The following EEF2KMT variants were observed in gnomAD, a reference collection of about 807,000 sequenced individuals.
EEF2KMT encodes the protein eukaryotic elongation factor 2 lysine methyltransferase, also known as protein-lysine N-methyltransferase EEF2KMT.
In EEF2KMT, 30 loss-of-function variants were observed where a neutral mutation model predicts 35.1. The ratio of observed to expected loss-of-function variants is 0.85; its 90% CI spans 0.64 to 1.16. EEF2KMT has a LOEUF of 1.16. Among genes scored for constraint, EEF2KMT ranks in the 50% most tolerant of loss-of-function variants. The pLI, the probability that EEF2KMT is intolerant of heterozygous loss-of-function variation, is 0.00. For missense variants in EEF2KMT, 499 were observed against 438.2 expected (o/e 1.14, Z -1.24); for synonymous variants, 190 against 187.7 (o/e 1.01, Z -0.10).
intron 2 of EEF2KMT, among the ~76,000 whole-genome samples, chr16:5,094,972 AG>A: frequency 6.6e-6 from 1 of 152,236 alleles, no homozygotes; most frequent in East Asian, 1.9e-4. Flanking sequence ...GGCCAAGGTC[AG>A]GCTGTGGCTG....
At chr16:5,096,351 G>C (rs868323211) in intron 1 of EEF2KMT, among the ~76,000 whole-genome samples, 2 of 152,152 alleles carry the variant, frequency 1.3e-5, no homozygotes, top group African/African-American at 4.8e-5. Flanking sequence ...TTATTTATTT[G>C]TTTATTCTCT....
chr16:5,090,773 A>T lies in EEF2KMT; in HGVS notation c.343-208T>A, dbSNP rs181318628. On this transcript the variant is annotated intron_variant, in intron 4 of 7. Coordinates refer to ENST00000427587, the MANE Select transcript of EEF2KMT (RefSeq NM_201400.4). This position sits in a 1 kb window ranked among gnomAD's most constrained non-coding sequence, Gnocchi z 4.1. The stretch of plus-strand genomic sequence containing the variant: ...GAAAGACACTCATCTCAGGCCACAC[A>T]GGATTCCATTCATCGAACCTTCCTG... Among the ~76,000 whole-genome samples, 1 of 152,086 alleles carries T rather than the reference A, an allele frequency of 6.6e-6. No homozygotes were observed. The highest frequency in any genetic ancestry group is 1.5e-5 in the Non-Finnish European group (1 of 68,018).
Position 5,090,373 on chromosome 16 carries a change from G to A in EEF2KMT, c.477-24C>T. 2 of 1,612,064 alleles carry A rather than the reference G, an allele frequency of 1.2e-6. No homozygotes were observed. Among genetic ancestry groups the A allele is most frequent in the South Asian group, 2.2e-5 (2 of 90,994 alleles). On this transcript the variant is annotated intron_variant, in intron 5 of 7. Transcript: ENST00000427587. The surrounding 1 kb of genome is among the most constrained non-coding windows in gnomAD (Gnocchi z 4.1). ...TCCTGGCGGGAGGAAAGGGGACCGTGTCTGCGACTGCACCAGGGTAAGCCT... is the reference window on the plus strand; with the variant it reads ...TCCTGGCGGGAGGAAAGGGGACCGTATCTGCGACTGCACCAGGGTAAGCCT...
chr16:5,095,566 A>T, intron 1 of EEF2KMT, 52 bp from the exon 2 acceptor site: 4 of 1,609,154 alleles, frequency 2.5e-6, no homozygotes, highest in Non-Finnish European at 3.4e-6. Flanking sequence ...CAGGAACATT[A>T]AACACGCAAT....
intron 7 of EEF2KMT, 93 bp from the exon 8 acceptor site, chr16:5,085,825 T>G (rs904528063): frequency 1.0e-6 from 1 of 986,428 alleles, no homozygotes; most frequent in Non-Finnish European, 1.6e-6. Context: ...CCTGGCGGGG[T>G]AGGGGGGTGT....
rs201873866 is a variant in EEF2KMT at position 5,090,528 on chromosome 16, G to A, written c.380C>T (p.Ala127Val). ...GCCTGTGGTACCGTAGGAGATGATG[G>A]CCGTGCTCTCGGAGAGTGTGACCGA... ...GGSVTLSEST[A>V]IISYGTTGLV... The change falls in exon 5 of 8, where the codon GCC becomes GTC. Residue 127 changes from alanine to valine, a missense_variant. Coordinates refer to ENST00000427587, the MANE Select transcript of EEF2KMT (RefSeq NM_201400.4). This position sits in a 1 kb window ranked among gnomAD's most constrained non-coding sequence, Gnocchi z 4.1. 7.4e-6 allele frequency: 12 copies of A among 1,611,980 alleles called. No homozygotes were observed. The East Asian group carries it at 2.2e-4, about 30-fold the overall frequency.
rs2142759590 is a variant in EEF2KMT at position 5,089,476 on chromosome 16, C to G, written c.743-220G>C. 1.5e-5 allele frequency: 10 copies of G among 669,668 alleles called. No individual in the cohort carries two copies. In the South Asian group the frequency reaches 1.8e-4, roughly 12 times the overall value. 41.5% of individuals were successfully genotyped at this position (669,668 alleles called of 1,614,324 possible). On this transcript the variant is annotated intron_variant, in intron 6 of 7. Transcript: ENST00000427587. ...AGACCGAAGCAAAAGAAAAAAATCT[C>G]CAGACTCACTGGTGTTCCTTAAAAA...
rs1252734353 is a variant in EEF2KMT at position 5,090,513 on chromosome 16, C to G, written c.395G>C (p.Gly132Ala). ...LSESTAIISYGTTGLVTWDAA... is the reference protein window; with the variant it reads ...LSESTAIISYATTGLVTWDAA... ...GTCCCATGTGACCAGGCCTGTGGTA[C>G]CGTAGGAGATGATGGCCGTGCTCTC... is the stretch of plus-strand genomic sequence containing the variant. The change falls in exon 5 of 8, where the codon GGT (glycine) becomes GCT (alanine). Residue 132 changes from glycine (G) to alanine (A), a missense_variant. Transcript: ENST00000427587. The surrounding 1 kb of genome is among the most constrained non-coding windows in gnomAD (Gnocchi z 4.1). 1 of 1,611,986 alleles carries G rather than the reference C, an allele frequency of 6.2e-7. No homozygotes were observed. Among genetic ancestry groups the G allele is most frequent in the Non-Finnish European group, 8.5e-7 (1 of 1,179,856 alleles).
intron 7 of EEF2KMT, among the ~76,000 whole-genome samples, chr16:5,087,656 G>A (rs577555901): frequency 6.6e-6 from 1 of 152,172 alleles, no homozygotes; most frequent in East Asian, 2.0e-4. Context: ...AAAATAGCCA[G>A]GTGTGGTAGC....
intron 7 of EEF2KMT, chr16:5,086,383 C>T (rs1464533634): frequency 1.3e-5 from 2 of 151,918 alleles, no homozygotes; most frequent in African/African-American, 4.9e-5. Context: ...CCCACACACA[C>T]ACACAGCTTA....
chr16:5,087,825 G>T lies in EEF2KMT; in HGVS notation c.892+1282C>A, dbSNP rs966109346. On this transcript the variant is annotated intron_variant, in intron 7 of 7. Coordinates refer to ENST00000427587, the MANE Select transcript of EEF2KMT (RefSeq NM_201400.4). ...CAAAAAAAAAAAAAAAAAAAAAGGT[G>T]GGTGGGGGCTTATACTATGTGTGCT... is the stretch of plus-strand genomic sequence containing the variant. Among the ~76,000 whole-genome samples, 4 of 148,786 alleles carry T rather than the reference G, an allele frequency of 2.7e-5. 1 individual carries two copies. The highest frequency in any genetic ancestry group is 2.1e-4 in the South Asian group (1 of 4,680).
At chr16:5,089,013 A>C in intron 7 of EEF2KMT, 94 bp downstream of exon 7, 1 of 1,600,764 alleles carries the variant, frequency 6.2e-7, no homozygotes, top group Non-Finnish European at 8.5e-7. Context: ...GGGGCAACCT[A>C]GCTTTTCCCC....
chr16:5,090,608 G>C lies in EEF2KMT; in HGVS notation c.343-43C>G, dbSNP rs1487945761. The C allele has an allele frequency of 6.2e-7, 1 of 1,611,218 alleles. No individual in the cohort carries two copies. Among genetic ancestry groups the C allele is most frequent in the East Asian group, 2.2e-5 (1 of 44,866 alleles). On this transcript the variant is annotated intron_variant, in intron 4 of 7. Coordinates refer to ENST00000427587, the MANE Select transcript of EEF2KMT (RefSeq NM_201400.4). This position sits in a 1 kb window ranked among gnomAD's most constrained non-coding sequence, Gnocchi z 4.1. Reference sequence around the variant, plus strand: ...GAGAGAGTCAGTCCAGCGATCAGAAGGCAAGTGGCTTAGAAGACAAGTAGC... The same window carrying C: ...GAGAGAGTCAGTCCAGCGATCAGAACGCAAGTGGCTTAGAAGACAAGTAGC...
In EEF2KMT at chr16:5,092,794, C is replaced by T. The variant is rs530334655; in HGVS notation, c.240+690G>A. 3.9e-5 allele frequency among the ~76,000 whole-genome samples: 6 copies of T among 152,238 alleles called. No homozygotes were observed. The South Asian group carries it at 1.2e-3, about 32-fold the overall frequency. The stretch of plus-strand genomic sequence containing the variant: ...CCTGGCCAACATGGTGAAACTCTGT[C>T]TCTATTAAAAATAAAAAATTAGCCA... On this transcript the variant is annotated intron_variant, in intron 3 of 7. Coordinates refer to ENST00000427587, the MANE Select transcript of EEF2KMT (RefSeq NM_201400.4).
chr16:5,093,925 C>T (rs993835163), intron 2 of EEF2KMT, among the ~76,000 whole-genome samples: 45 of 152,206 alleles, frequency 3.0e-4, no homozygotes, highest in African/African-American at 1.0e-3. Flanking sequence ...AAGGCCCACT[C>T]GGCAACTGCT....
intron 2 of EEF2KMT, 119 bp from the exon 3 acceptor site, chr16:5,093,683 A>G: frequency 6.5e-7 from 1 of 1,540,738 alleles, no homozygotes; most frequent in Non-Finnish European, 8.8e-7. Flanking sequence ...AAAGATGTAG[A>G]TGGACACAGC....
Position 5,089,104 on chromosome 16 carries a change from C to T in EEF2KMT, c.892+3G>A, listed in dbSNP as rs1237024673. On this transcript the variant is annotated splice_donor_region_variant and intron_variant, in intron 7 of 7. Coordinates refer to ENST00000427587, the MANE Select transcript of EEF2KMT (RefSeq NM_201400.4). The stretch of plus-strand genomic sequence containing the variant: ...GCAGGCCCGGGTGGGCGTGGAGGCT[C>T]ACCTAGCTCGGTGGTGAACAGCTGG... The T allele has an allele frequency of 1.2e-6, 2 of 1,612,532 alleles. No individual in the cohort carries two copies. The highest frequency in any genetic ancestry group is 1.1e-5 in the South Asian group (1 of 91,020).
Position 5,085,577 on chromosome 16 carries a change from T to C in EEF2KMT, c.*55A>G, listed in dbSNP as rs527816882. ...TTTATCCGCTTTCCCATATAAAAAT[T>C]CTTCCCATGAGAGTGACTTGATTCT... On this transcript the variant is annotated 3_prime_UTR_variant, in exon 8 of 8. Transcript: ENST00000427587. 471 of 1,248,904 alleles carry C rather than the reference T, an allele frequency of 3.8e-4. No homozygotes were observed. Among genetic ancestry groups the C allele is most frequent in the Non-Finnish European group, 4.9e-4 (419 of 848,866 alleles). 77.4% of individuals were successfully genotyped at this position (1,248,904 alleles called of 1,614,324 possible). A position where few individuals can be genotyped will look rare whatever the true frequency, so the allele number is the denominator to read the frequency against.
chr16:5,095,316 G>A (rs1378492033), intron 2 of EEF2KMT, 136 bp downstream of exon 2: 7 of 1,381,648 alleles, frequency 5.1e-6, no homozygotes, highest in Admixed American at 3.9e-5. Context: ...CCCACCTGCA[G>A]TGCTGACTCA....
Sources: gnomAD v4.1 joint callset for allele counts (sites outside exome capture counted in the v4.1 genomes callset) on GRCh38, gnomAD v4.1.1 for gene constraint, Gnocchi (gnomAD v3.1) non-coding constraint, MANE v1.5 for transcripts, NCBI Gene and HGNC (gene_info 2026-07-23, HGNC 2026-07-21) for gene names.